The following USH2A variants were observed in gnomAD, a reference collection of about 807,000 sequenced individuals.
USH2A encodes usherin, also known as Usher syndrome 2A (autosomal recessive, mild).
A neutral mutation model predicts 538.9 loss-of-function variants in USH2A; 443 were observed. The ratio of observed to expected loss-of-function variants is 0.82; its 90% CI spans 0.76 to 0.89. The LOEUF is 0.89. Among genes scored for constraint, USH2A ranks in the 40% least tolerant of loss-of-function variants. USH2A has a pLI of 0.00. For synonymous variants in USH2A, 2,413 were observed against 2,273.5 expected (o/e 1.06, Z -1.75); for missense variants, 6,633 against 6,324.8 (o/e 1.05, Z -1.65).
At chr1:215,894,133 A>G (rs1571788954) in intron 40 of USH2A, among the ~76,000 whole-genome samples, 1 of 152,288 alleles carries the variant, frequency 6.6e-6, no homozygotes, top group Non-Finnish European at 1.5e-5. Context: ...TTAGTACTTA[A>G]GGCAACTGGA....
At chr1:216,051,765 T>C (rs1017259127) in intron 30 of USH2A, among the ~76,000 whole-genome samples, 1 of 152,232 alleles carries the variant, frequency 6.6e-6, no homozygotes, top group Non-Finnish European at 1.5e-5. Context: ...TCTGCAATCA[T>C]TAGCATGAAG....
intron 4 of USH2A, among the ~76,000 whole-genome samples, chr1:216,363,712 C>T (rs935245620): frequency 6.6e-6 from 1 of 151,670 alleles, no homozygotes; most frequent in African/African-American, 2.4e-5. Flanking sequence ...CTTAAGAAAT[C>T]TCATGGATTG....
chr1:215,739,882 T>C, intron 60 of USH2A, among the ~76,000 whole-genome samples: 1 of 152,196 alleles, frequency 6.6e-6, no homozygotes, highest in East Asian at 1.9e-4. Context: ...TTCCAGGGCA[T>C]AGGACCAAAT....
At chr1:216,050,809 G>C (rs1308109596) in intron 30 of USH2A, among the ~76,000 whole-genome samples, 1 of 151,298 alleles carries the variant, frequency 6.6e-6, no homozygotes, top group Non-Finnish European at 1.5e-5. Context: ...GTTTCACCGT[G>C]TTAGCCAGGA....
At chr1:215,993,839 A>G (rs541798355) in intron 34 of USH2A, among the ~76,000 whole-genome samples, 31 of 152,316 alleles carry the variant, frequency 2.0e-4, no homozygotes, top group Non-Finnish European at 4.3e-4. Context: ...ATTTAACATG[A>G]TCACAGAACT....
chr1:215,826,375 A>T (rs1201879980), intron 47 of USH2A, among the ~76,000 whole-genome samples: 1 of 152,248 alleles, frequency 6.6e-6, no homozygotes, highest in Non-Finnish European at 1.5e-5. Flanking sequence ...ACAATTGCCC[A>T]AGAAAGCATC....
chr1:216,340,140 TA>T (rs2102677403), intron 4 of USH2A, among the ~76,000 whole-genome samples: 1 of 151,078 alleles, frequency 6.6e-6, no homozygotes, highest in Non-Finnish European at 1.5e-5. Flanking sequence ...AATAGACACA[TA>T]AAAAATGACA....
At chr1:215,860,271 T>C (rs1381342392) in intron 44 of USH2A, among the ~76,000 whole-genome samples, 1 of 152,200 alleles carries the variant, frequency 6.6e-6, no homozygotes, top group Non-Finnish European at 1.5e-5. Context: ...AAGACAATTA[T>C]CAATGTCAAT....
intron 67 of USH2A, among the ~76,000 whole-genome samples, chr1:215,647,046 G>T (rs570284947): frequency 6.6e-6 from 1 of 152,184 alleles, no homozygotes; most frequent in Non-Finnish European, 1.5e-5. Flanking sequence ...TAAGCGATGC[G>T]TGACTGTATT....
chr1:216,324,389 T>G, intron 6 of USH2A, 37 bp from the exon 7 acceptor site: 1 of 1,549,296 alleles, frequency 6.5e-7, no homozygotes, highest in Non-Finnish European at 8.8e-7. Context: ...ATTAAAGTTT[T>G]AAGTTTAACC....
At chr1:216,106,145 T>C (rs1399422605) in intron 21 of USH2A, among the ~76,000 whole-genome samples, 1 of 148,168 alleles carries the variant, frequency 6.7e-6, no homozygotes, top group Non-Finnish European at 1.5e-5. Flanking sequence ...AATCAAAACA[T>C]GCACTATTTC....
chr1:216,315,848 G>A (rs2037497897), intron 9 of USH2A, among the ~76,000 whole-genome samples: 1 of 152,056 alleles, frequency 6.6e-6, no homozygotes, highest in Admixed American at 6.6e-5. Context: ...ATTCATGCAA[G>A]TTCAATACCA....
chr1:216,346,123 T>C (rs1417468305), intron 4 of USH2A, among the ~76,000 whole-genome samples: 1 of 152,138 alleles, frequency 6.6e-6, no homozygotes, highest in Admixed American at 6.6e-5. Flanking sequence ...TTCCTTTCTC[T>C]GAACACCTGG....
chr1:216,083,455 C>G lies in USH2A; in HGVS notation c.5298+1G>C. 6.2e-7 allele frequency: 1 copy of G among 1,610,640 alleles called. No individual in the cohort carries two copies. The highest frequency in any genetic ancestry group is 8.5e-7 in the Non-Finnish European group (1 of 1,178,622). ...AATTTTAATCAAATTAATTCACATA[C>G]AGCAAGAAAATCAGGTCCATCTTTG... On this transcript the variant is annotated splice_donor_variant, in intron 26 of 71. Coordinates refer to ENST00000307340, the MANE Select transcript of USH2A (RefSeq NM_206933.4). LOFTEE classifies it high-confidence loss of function.
At chr1:216,154,717 G>T (rs952015391) in intron 21 of USH2A, among the ~76,000 whole-genome samples, 2 of 152,110 alleles carry the variant, frequency 1.3e-5, no homozygotes, top group African/African-American at 2.4e-5. Context: ...TTATTATTAA[G>T]AATTTTATAT....
chr1:216,380,537 T>A (rs2038906951), intron 3 of USH2A, among the ~76,000 whole-genome samples: 1 of 152,178 alleles, frequency 6.6e-6, no homozygotes, highest in Non-Finnish European at 1.5e-5. Context: ...TTTTCCAGGC[T>A]GTAATAGAGC....
At chr1:215,858,650 A>C (rs1446100060) in intron 44 of USH2A, among the ~76,000 whole-genome samples, 1 of 151,634 alleles carries the variant, frequency 6.6e-6, no homozygotes, top group Non-Finnish European at 1.5e-5. Context: ...AGACTATTAC[A>C]ATCTCAGTGA....
intron 70 of USH2A, chr1:215,630,372 A>T: frequency 4.7e-6 from 2 of 424,698 alleles, no homozygotes; most frequent in East Asian, 1.4e-4. Flanking sequence ...TCTGATGTAC[A>T]TATATATCCT....
At chr1:216,385,687 C>T (rs1181114413) in intron 3 of USH2A, among the ~76,000 whole-genome samples, 2 of 152,160 alleles carry the variant, frequency 1.3e-5, no homozygotes, top group Non-Finnish European at 2.9e-5. Flanking sequence ...TCATTTGGTT[C>T]CCTTTGATTA....
Sources: gnomAD v4.1 joint callset for allele counts (sites outside exome capture counted in the v4.1 genomes callset) on GRCh38, gnomAD v4.1.1 for gene constraint, MANE v1.5 for transcripts, NCBI Gene and HGNC (gene_info 2026-07-23, HGNC 2026-07-21) for gene names.